Variants in NELL1 observed in about 807,000 individuals in gnomAD.
NELL1 encodes protein kinase C-binding protein NELL1.
NELL1 carries 76 observed loss-of-function variants against 107.4 expected under a neutral mutation model. That is an observed-to-expected ratio of 0.71 (90% confidence interval 0.59 to 0.86). NELL1 has a LOEUF of 0.86. Ranked by LOEUF, NELL1 falls within the 40% of genes least tolerant of loss-of-function variation. NELL1 has a pLI of 0.00. For synonymous variants in NELL1, 353 were observed against 341.2 expected (o/e 1.03, Z -0.38); for missense variants, 1,024 against 1,005.5 (o/e 1.02, Z -0.25).
chr11:21,480,090 A>G (rs889552043), intron 15 of NELL1, among the ~76,000 whole-genome samples: 2 of 152,192 alleles, frequency 1.3e-5, no homozygotes, highest in East Asian at 3.8e-4. Context: ...AAAACTTCTC[A>G]TATAAAATTC....
chr11:21,066,096 T>G (rs1853863440), intron 12 of NELL1, among the ~76,000 whole-genome samples: 1 of 152,228 alleles, frequency 6.6e-6, no homozygotes, highest in Non-Finnish European at 1.5e-5. Flanking sequence ...TGTGCCCATT[T>G]GCTTTGGAGT....
At chr11:21,206,614 T>A (rs987319787) in intron 13 of NELL1, among the ~76,000 whole-genome samples, 2 of 152,192 alleles carry the variant, frequency 1.3e-5, no homozygotes, top group Non-Finnish European at 2.9e-5. Flanking sequence ...CTGCCTTTTC[T>A]TTGGAATCTC....
chr11:20,808,194 T>C (rs550521312), intron 3 of NELL1, among the ~76,000 whole-genome samples: 1 of 152,358 alleles, frequency 6.6e-6, no homozygotes, highest in South Asian at 2.1e-4. Flanking sequence ...CCAAGGCTCA[T>C]CCAGGGTCCG....
intron 12 of NELL1, among the ~76,000 whole-genome samples, chr11:21,027,816 G>T (rs1214830059): frequency 6.6e-6 from 1 of 152,136 alleles, no homozygotes; most frequent in Non-Finnish European, 1.5e-5. Context: ...ATCTGGAACA[G>T]TTCATTGTTG....
chr11:21,514,861 G>T (rs998854201), intron 15 of NELL1, among the ~76,000 whole-genome samples: 2 of 152,264 alleles, frequency 1.3e-5, no homozygotes, highest in Admixed American at 6.5e-5. Flanking sequence ...TTGAGGACTG[G>T]CTTCCAATGT....
intron 4 of NELL1, among the ~76,000 whole-genome samples, chr11:20,852,355 A>G (rs1848809745): frequency 6.6e-6 from 1 of 152,246 alleles, no homozygotes; most frequent in Non-Finnish European, 1.5e-5. Context: ...AAAAGCATGC[A>G]GAATCCAAAA....
chr11:20,927,553 G>T (rs1850527258), intron 8 of NELL1, 111 bp downstream of exon 8: 2 of 1,078,338 alleles, frequency 1.9e-6, no homozygotes, highest in Admixed American at 3.1e-5. Flanking sequence ...AGAATTGTTA[G>T]GTTTTTACCT....
chr11:21,052,189 G>C (rs909813337), intron 12 of NELL1, among the ~76,000 whole-genome samples: 2 of 152,088 alleles, frequency 1.3e-5, no homozygotes, highest in African/African-American at 4.8e-5. Flanking sequence ...TGTCTGGAGT[G>C]TGGTGAGATG....
At chr11:20,745,166 C>T (rs1028815023) in intron 2 of NELL1, among the ~76,000 whole-genome samples, 2 of 152,156 alleles carry the variant, frequency 1.3e-5, no homozygotes, top group East Asian at 3.9e-4. Flanking sequence ...ATCTTGTTCA[C>T]AGAAGTGTTC....
intron 16 of NELL1, among the ~76,000 whole-genome samples, chr11:21,542,888 T>C (rs1467552724): frequency 6.6e-6 from 1 of 152,074 alleles, no homozygotes; most frequent in East Asian, 1.9e-4. Flanking sequence ...ATCAAAGATG[T>C]TCATAAATAT....
intron 15 of NELL1, among the ~76,000 whole-genome samples, chr11:21,477,868 TAATA>T (rs931798305): frequency 4.7e-5 from 7 of 147,548 alleles, no homozygotes; most frequent in South Asian, 4.2e-4. Context: ...TTATTTATAA[TAATA>T]AATAAATTAT....
intron 2 of NELL1, among the ~76,000 whole-genome samples, chr11:20,743,156 C>T (rs1048310305): frequency 2.0e-5 from 3 of 152,026 alleles, no homozygotes; most frequent in African/African-American, 7.2e-5. Context: ...AGTTCGAGAT[C>T]AGCCTGGCCA....
chr11:21,289,120 G>A (rs1421865391), intron 14 of NELL1, among the ~76,000 whole-genome samples: 1 of 152,132 alleles, frequency 6.6e-6, no homozygotes, highest in Admixed American at 6.5e-5. Context: ...AGAATGACAG[G>A]GTCACATTAC....
At chr11:21,033,665 T>C (rs947724016) in intron 12 of NELL1, among the ~76,000 whole-genome samples, 3 of 152,306 alleles carry the variant, frequency 2.0e-5, no homozygotes, top group Non-Finnish European at 2.9e-5. Flanking sequence ...GTTGATTCCA[T>C]GTCTTTTGCT....
intron 15 of NELL1, among the ~76,000 whole-genome samples, chr11:21,526,878 G>T (rs936183684): frequency 1.3e-5 from 2 of 152,176 alleles, no homozygotes; most frequent in African/African-American, 4.8e-5. Flanking sequence ...GGCCTGTGAT[G>T]GGAGGAGCTG....
chr11:20,721,179 G>GTA (rs1368182153), intron 2 of NELL1, among the ~76,000 whole-genome samples: 51 of 31,948 alleles, frequency 1.6e-3, no homozygotes, highest in East Asian at 9.2e-3. Flanking sequence ...TATATATTTT[G>GTA]TGTATATATA....
Position 21,325,657 on chromosome 11 carries a change from T to C in NELL1, c.1550-45196T>C, listed in dbSNP as rs146827491. Among the ~76,000 whole-genome samples, 267 of 152,176 alleles carry C rather than the reference T, an allele frequency of 1.8e-3. 2 individuals are homozygous for C. The highest frequency in any genetic ancestry group is 6.2e-3 in the African/African-American group (259 of 41,562). On this transcript the variant is annotated intron_variant, in intron 14 of 19. Transcript: ENST00000357134. ...TGAGGCAAAATTGCATACAGTGAAA[T>C]ACGTAAATCACAAGTGTACTTTTAA... is the stretch of plus-strand genomic sequence containing the variant.
At chr11:21,075,023 G>T (rs968494026) in intron 12 of NELL1, among the ~76,000 whole-genome samples, 15 of 152,156 alleles carry the variant, frequency 9.9e-5, no homozygotes, top group African/African-American at 3.4e-4. Flanking sequence ...TCATTTGACC[G>T]ACTAGATGGA....
At chr11:21,245,593 A>G (rs1323970886) in intron 14 of NELL1, among the ~76,000 whole-genome samples, 2 of 152,132 alleles carry the variant, frequency 1.3e-5, no homozygotes, top group Non-Finnish European at 2.9e-5. Flanking sequence ...ATTTATTCAC[A>G]CTGCACTGTA....
Sources: gnomAD v4.1 joint callset for allele counts (sites outside exome capture counted in the v4.1 genomes callset) on GRCh38, gnomAD v4.1.1 for gene constraint, MANE v1.5 for transcripts, NCBI Gene and HGNC (gene_info 2026-07-23, HGNC 2026-07-21) for gene names.